SLC26A7: variants seen among roughly 807,000 people sequenced by gnomAD.
SLC26A7 encodes solute carrier family 26 member 7.
A neutral mutation model predicts 82.5 loss-of-function variants in SLC26A7; 59 were observed. The ratio of observed to expected loss-of-function variants is 0.72; its 90% CI spans 0.58 to 0.89. The LOEUF is 0.89. SLC26A7 is among the 40% of genes least tolerant of loss of function. The pLI is 0.00. For missense variants in SLC26A7, 820 were observed against 793.0 expected, an observed-to-expected ratio of 1.03 and a Z score of -0.41; for synonymous variants, 271 against 274.3, an observed-to-expected ratio of 0.99 and a Z score of 0.12.
intron 2 of SLC26A7, among the ~76,000 whole-genome samples, chr8:91,229,771 T>C (rs936706345): frequency 6.6e-6 from 1 of 152,212 alleles, no homozygotes; most frequent in Non-Finnish European, 1.5e-5. Context: ...GTCCCTTCCC[T>C]GTAAGGTTGC....
intron 2 of SLC26A7, among the ~76,000 whole-genome samples, chr8:91,277,827 A>G (rs1461935586): frequency 6.7e-6 from 1 of 149,652 alleles, no homozygotes; most frequent in Non-Finnish European, 1.5e-5. Flanking sequence ...ATTAAAAAAC[A>G]AACTTAAATA....
intron 4 of SLC26A7, among the ~76,000 whole-genome samples, chr8:91,307,502 A>T (rs1488317206): frequency 2.7e-5 from 4 of 146,416 alleles, no homozygotes; most frequent in African/African-American, 1.0e-4. Flanking sequence ...CTTTGTAGGG[A>T]CATGGATGAA....
intron 2 of SLC26A7, among the ~76,000 whole-genome samples, chr8:91,271,054 T>C (rs930756330): frequency 1.3e-5 from 2 of 152,168 alleles, no homozygotes; most frequent in African/African-American, 4.8e-5. Context: ...AACTAAGGTA[T>C]TATAATTTAT....
intron 4 of SLC26A7, among the ~76,000 whole-genome samples, chr8:91,316,628 CTT>C (rs1226129720): frequency 6.6e-6 from 1 of 151,498 alleles, no homozygotes; most frequent in East Asian, 1.9e-4. Flanking sequence ...AATTTTAAGA[CTT>C]GGTGTAAATA....
intron 2 of SLC26A7, among the ~76,000 whole-genome samples, chr8:91,275,530 G>A (rs1346041663): frequency 6.6e-6 from 1 of 152,022 alleles, no homozygotes; most frequent in African/African-American, 2.4e-5. Flanking sequence ...GAAAACCTGG[G>A]CTCAAGTGAT....
At chr8:91,304,598 G>A (rs549931196) in intron 4 of SLC26A7, among the ~76,000 whole-genome samples, 14 of 152,310 alleles carry the variant, frequency 9.2e-5, no homozygotes, top group African/African-American at 3.1e-4. Flanking sequence ...GACTAATAGA[G>A]TGACTTATTT....
intron 2 of SLC26A7, among the ~76,000 whole-genome samples, chr8:91,238,481 C>A (rs1284868024): frequency 6.6e-6 from 1 of 151,036 alleles, no homozygotes; most frequent in Non-Finnish European, 1.5e-5. Context: ...GTTACATTCA[C>A]TTTTTTGTGC....
chr8:91,383,188 GA>G (rs1814711718), intron 15 of SLC26A7, among the ~76,000 whole-genome samples: 1 of 152,138 alleles, frequency 6.6e-6, no homozygotes, highest in Non-Finnish European at 1.5e-5. Context: ...GAAGGACTCA[GA>G]AGAGATTTCA....
At chr8:91,343,614 C>G (rs1234362379) in intron 9 of SLC26A7, 148 bp downstream of exon 9, 1 of 550,684 alleles carries the variant, frequency 1.8e-6, no homozygotes, top group Non-Finnish European at 3.1e-6. Context: ...AAGTCCTTCT[C>G]TCTCTCATCT....
At chr8:91,378,087 A>G (rs899050015) in intron 15 of SLC26A7, among the ~76,000 whole-genome samples, 4 of 151,552 alleles carry the variant, frequency 2.6e-5, no homozygotes, top group Non-Finnish European at 1.5e-5. Context: ...ATTTAACATT[A>G]TTTCCCAAAG....
intron 16 of SLC26A7, among the ~76,000 whole-genome samples, chr8:91,389,753 G>A (rs745989603): frequency 6.6e-6 from 1 of 152,126 alleles, no homozygotes; most frequent in Non-Finnish European, 1.5e-5. Context: ...AAGGATTCTA[G>A]GAAGGAGAAA....
At chr8:91,344,130 T>C (rs1813496383) in intron 9 of SLC26A7, 1 of 985,290 alleles carries the variant, frequency 1.0e-6, no homozygotes, top group Non-Finnish European at 1.2e-6. Flanking sequence ...TTGGCTGTCA[T>C]ACTTTTGTTA....
At chr8:91,209,788 G>T (rs1160908064) in intron 1 of SLC26A7, among the ~76,000 whole-genome samples, 1 of 152,186 alleles carries the variant, frequency 6.6e-6, no homozygotes, top group African/African-American at 2.4e-5. Flanking sequence ...ATTCCATCAT[G>T]TTAAGGGAAT....
At chr8:91,393,733 C>T in intron 16 of SLC26A7, 64 bp from the exon 17 acceptor site, 2 of 1,540,056 alleles carry the variant, frequency 1.3e-6, no homozygotes, top group South Asian at 2.3e-5. Flanking sequence ...TTCTGAAGCC[C>T]ATCTTATTTC....
chr8:91,258,107 G>T (rs544078261), intron 2 of SLC26A7, among the ~76,000 whole-genome samples: 1 of 152,098 alleles, frequency 6.6e-6, no homozygotes, highest in Admixed American at 6.5e-5. Flanking sequence ...ACTCCACATG[G>T]GGATTATGGG....
At chr8:91,309,422 C>T (rs997081844) in intron 4 of SLC26A7, among the ~76,000 whole-genome samples, 1 of 151,698 alleles carries the variant, frequency 6.6e-6, no homozygotes, top group East Asian at 1.9e-4. Flanking sequence ...GAAACCTCCC[C>T]CTCCAGCAGT....
Position 91,271,317 on chromosome 8 carries a change from A to G in SLC26A7, c.194-17819A>G, listed in dbSNP as rs1013861216. The stretch of plus-strand genomic sequence containing the variant: ...TGCTGCATATTCTCTTGTATACACC[A>G]TGAAAGCAGGGATTGTAGCCTATTT... On this transcript the variant is annotated intron_variant, in intron 2 of 18. Transcript: ENST00000276609. Among the ~76,000 whole-genome samples the G allele has an allele frequency of 2.6e-5, 4 of 152,318 alleles. No individual in the cohort carries two copies. The East Asian group carries it at 7.7e-4, about 29-fold the overall frequency.
At chr8:91,216,694 A>G (rs573787216) in intron 1 of SLC26A7, among the ~76,000 whole-genome samples, 2 of 152,248 alleles carry the variant, frequency 1.3e-5, no homozygotes, top group South Asian at 2.1e-4. Context: ...TCCAACCACA[A>G]TTTCATCACT....
rs1332205493 is a variant in SLC26A7, at chr8:91,396,406, C to A, written c.*1309C>A. Reference sequence around the variant, plus strand: ...ACAAGTTGAAACTAAAATTAAAATACCAGCCATTTAGGTGCTTTCTCTGGC... The same window carrying A: ...ACAAGTTGAAACTAAAATTAAAATAACAGCCATTTAGGTGCTTTCTCTGGC... On this transcript the variant is annotated 3_prime_UTR_variant, in exon 19 of 19. Coordinates refer to ENST00000276609, the MANE Select transcript of SLC26A7 (RefSeq NM_052832.4). 1 of 151,906 alleles carries A rather than the reference C, an allele frequency of 6.6e-6. No homozygotes were observed. Among genetic ancestry groups the A allele is most frequent in the Non-Finnish European group, 1.5e-5 (1 of 67,858 alleles). The allele number at this position is 151,906 out of a possible 1,614,324, so 9.4% of individuals were successfully genotyped here. A position where few individuals can be genotyped will look rare whatever the true frequency, so the allele number is the denominator to read the frequency against.
Sources: allele counts gnomAD v4.1 joint callset (sites outside exome capture counted in the v4.1 genomes callset), GRCh38; gene constraint gnomAD v4.1.1; transcripts MANE v1.5; gene names NCBI Gene and HGNC (gene_info 2026-07-23, HGNC 2026-07-21).